SP140L: variants seen among roughly 807,000 people sequenced by gnomAD.
SP140L encodes the protein SP140 like nuclear body protein.
A neutral mutation model predicts 84.3 loss-of-function variants in SP140L; 64 were observed. That is an observed-to-expected ratio of 0.76 (90% CI 0.62 to 0.94). The LOEUF (loss-of-function observed/expected upper bound fraction) is 0.94. Ranked by LOEUF, SP140L falls within the 40% of genes least tolerant of loss-of-function variation. The pLI is 0.00. For missense variants in SP140L, 628 were observed against 692.5 expected (o/e 0.91, Z 1.05); for synonymous variants, 242 against 236.9 (o/e 1.02, Z -0.20).
rs1352176538 is a variant in SP140L, at chr2:230,339,316, T to C, written c.107+10485T>C. ...TTTGTTGTATTCTCTGATGGTAGTT[T>C]GTATTTCTGTGGGATCGGTGGTGAC... is the stretch of plus-strand genomic sequence containing the variant. On this transcript the variant is annotated intron_variant, in intron 2 of 18. Coordinates refer to ENST00000415673, the MANE Select transcript of SP140L (RefSeq NM_138402.6). Among the ~76,000 whole-genome samples, 20 of 151,824 alleles carry C rather than the reference T, an allele frequency of 1.3e-4. No homozygotes were observed. In the East Asian group the frequency reaches 3.7e-3, roughly 28 times the overall value.
At chr2:230,351,426 G>A (rs73110349) in intron 2 of SP140L, among the ~76,000 whole-genome samples, 3,860 of 147,528 alleles carry the variant, frequency 0.026, 191 homozygotes, top group African/African-American at 0.09. Context: ...TGGAGGGATT[G>A]TTTGTTATTT....
chr2:230,359,977 C>CAAACTAAAGTTTGGTATTGGTGCTATACT (rs2060664522), intron 4 of SP140L, among the ~76,000 whole-genome samples: 2 of 144,352 alleles, frequency 1.4e-5, no homozygotes, highest in African/African-American at 2.8e-5. Context: ...GGTGCTATAC[C>CAAACTAAAGTTTGGTATTGGTGCTATACT]AAACTAAAGT....
chr2:230,400,861 A>G (rs1381055365), intron 15 of SP140L, 94 bp from the exon 16 acceptor site: 13 of 1,542,030 alleles, frequency 8.4e-6, no homozygotes, highest in Non-Finnish European at 1.1e-5. Flanking sequence ...GACTGAGCCC[A>G]TCAGCCATTC....
At chr2:230,391,407 T>A (rs2061800189) in intron 11 of SP140L, among the ~76,000 whole-genome samples, 1 of 152,224 alleles carries the variant, frequency 6.6e-6, no homozygotes, top group Non-Finnish European at 1.5e-5. Flanking sequence ...TTTATTATGA[T>A]CATCCTAGTG....
At chr2:230,354,840 GAAAGA>G in intron 2 of SP140L, among the ~76,000 whole-genome samples, 1 of 85,590 alleles carries the variant, frequency 1.2e-5, no homozygotes, top group Non-Finnish European at 2.3e-5. Flanking sequence ...AGACAAGAAA[GAAAGA>G]AAGGAAAGAA....
At chr2:230,388,706 G>A (rs56142952) in intron 10 of SP140L, 73 bp downstream of exon 10, 13 of 1,247,308 alleles carry the variant, frequency 1.0e-5, no homozygotes, top group Non-Finnish European at 1.1e-5. Flanking sequence ...TGTATTTTCA[G>A]TAATAAACCT....
intron 7 of SP140L, among the ~76,000 whole-genome samples, chr2:230,374,916 T>C (rs962262310): frequency 6.5e-4 from 99 of 152,192 alleles, no homozygotes; most frequent in Non-Finnish European, 9.4e-4. Flanking sequence ...TATTGCAATA[T>C]TCACTTCATT....
chr2:230,342,972 G>C (rs1022480815), intron 2 of SP140L, among the ~76,000 whole-genome samples: 4 of 152,110 alleles, frequency 2.6e-5, no homozygotes, highest in African/African-American at 9.7e-5. Context: ...AAGCTACGTT[G>C]TTGGAGATTT....
intron 5 of SP140L, among the ~76,000 whole-genome samples, chr2:230,369,760 TTTTG>T (rs148805615): frequency 0.12 from 18,189 of 152,024 alleles, 1,358 homozygotes; most frequent in Middle Eastern, 0.18. Context: ...ACTACTTTCT[TTTTG>T]TTTGTTTGTT....
At chr2:230,332,937 C>G (rs72992248) in intron 2 of SP140L, among the ~76,000 whole-genome samples, 5,240 of 152,246 alleles carry the variant, frequency 0.034, 130 homozygotes, top group Middle Eastern at 0.051. Context: ...TATCTTCTTT[C>G]TTGCTTTACT....
intron 11 of SP140L, chr2:230,391,747 C>G: frequency 4.3e-6 from 1 of 233,418 alleles, no homozygotes; most frequent in Non-Finnish European, 8.6e-6. Flanking sequence ...GGTCTCTACT[C>G]CCAGAATTCA....
At chr2:230,400,061 G>A in intron 14 of SP140L, 66 bp from the exon 15 acceptor site, 2 of 1,557,402 alleles carry the variant, frequency 1.3e-6, no homozygotes, top group Non-Finnish European at 1.8e-6. Flanking sequence ...TGTTCTAGAT[G>A]CCCAGAGGGG....
At chr2:230,391,746 T>A (rs2061816295) in intron 11 of SP140L, 1 of 233,146 alleles carries the variant, frequency 4.3e-6, no homozygotes, top group Non-Finnish European at 8.7e-6. Context: ...TGGTCTCTAC[T>A]CCCAGAATTC....
intron 2 of SP140L, among the ~76,000 whole-genome samples, chr2:230,349,936 G>A (rs889136042): frequency 1.3e-5 from 2 of 152,098 alleles, no homozygotes; most frequent in Non-Finnish European, 2.9e-5. Context: ...TTGAATCCAG[G>A]GGGCAGAGGT....
At chr2:230,382,215 A>G (rs2061433014) in intron 7 of SP140L, among the ~76,000 whole-genome samples, 1 of 122,722 alleles carries the variant, frequency 8.1e-6, no homozygotes, top group African/African-American at 3.1e-5. Flanking sequence ...GACAATGTCT[A>G]GAGGGTTCTA....
chr2:230,347,459 G>T (rs1261132843), intron 2 of SP140L, among the ~76,000 whole-genome samples: 1 of 152,066 alleles, frequency 6.6e-6, no homozygotes, highest in Non-Finnish European at 1.5e-5. Context: ...TGCAAGCTGG[G>T]CTCCTCTGTC....
intron 14 of SP140L, among the ~76,000 whole-genome samples, chr2:230,397,837 C>T (rs2062120351): frequency 6.6e-6 from 1 of 152,148 alleles, no homozygotes; most frequent in Non-Finnish European, 1.5e-5. Flanking sequence ...TAAAACAGCC[C>T]TGGAGGTCAG....
intron 2 of SP140L, among the ~76,000 whole-genome samples, chr2:230,337,399 T>A (rs1207977562): frequency 6.6e-6 from 1 of 152,186 alleles, no homozygotes; most frequent in Non-Finnish European, 1.5e-5. Context: ...TATTAACCCT[T>A]TGTCAGATGA....
intron 2 of SP140L, among the ~76,000 whole-genome samples, chr2:230,357,035 A>T (rs1429798667): frequency 6.6e-6 from 1 of 152,222 alleles, no homozygotes; most frequent in Non-Finnish European, 1.5e-5. Context: ...AGGAATACTG[A>T]GATGTTGATT....
Sources: gnomAD v4.1 joint callset for allele counts (sites outside exome capture counted in the v4.1 genomes callset) on GRCh38, gnomAD v4.1.1 for gene constraint, MANE v1.5 for transcripts, NCBI Gene and HGNC (gene_info 2026-07-23, HGNC 2026-07-21) for gene names.